SGMS1: variants seen among roughly 807,000 people sequenced by gnomAD.
SGMS1 encodes the protein phosphatidylcholine:ceramide cholinephosphotransferase 1.
A neutral mutation model predicts 46.2 loss-of-function variants in SGMS1; 13 were observed. The observed-to-expected ratio is 0.28, with a 90% CI of 0.18 to 0.45. The LOEUF is 0.45. SGMS1 is among the 20% of genes least tolerant of loss of function. The pLI is 1.00. For missense variants in SGMS1, 324 were observed against 519.9 expected (o/e 0.62, Z 3.66); for synonymous variants, 203 against 187.8 (o/e 1.08, Z -0.66).
intron 8 of SGMS1, among the ~76,000 whole-genome samples, chr10:50,322,419 A>AC (rs1847460115): frequency 1.3e-5 from 2 of 152,194 alleles, no homozygotes; most frequent in African/African-American, 4.8e-5. Context: ...GGGATTTTTT[A>AC]TTTTAAGGAG....
At chr10:50,326,759 G>C (rs1847538681) in intron 8 of SGMS1, among the ~76,000 whole-genome samples, 1 of 152,118 alleles carries the variant, frequency 6.6e-6, no homozygotes, top group African/African-American at 2.4e-5. Flanking sequence ...CCAGAGAACA[G>C]TGATCTTATT....
chr10:50,612,399 A>G (rs1001134506), intron 1 of SGMS1, among the ~76,000 whole-genome samples: 6 of 152,234 alleles, frequency 3.9e-5, no homozygotes, highest in African/African-American at 7.2e-5. Context: ...AGTGGTCTGG[A>G]CATGAAATTA....
intron 6 of SGMS1, among the ~76,000 whole-genome samples, chr10:50,388,471 TAAAAAAAAAAAA>T (rs56992240): frequency 1.2e-5 from 1 of 85,118 alleles, no homozygotes; most frequent in Admixed American, 1.4e-4. Context: ...CTGTCTCTAC[TAAAAAAAAAAAA>T]AAAAAAAAAA....
At chr10:50,587,617 G>A (rs989002020) in intron 2 of SGMS1, among the ~76,000 whole-genome samples, 1 of 143,172 alleles carries the variant, frequency 7.0e-6, no homozygotes, top group Non-Finnish European at 1.5e-5. Flanking sequence ...GAGCAAGACT[G>A]CATCTCAAAA....
intron 6 of SGMS1, among the ~76,000 whole-genome samples, chr10:50,400,674 A>G (rs906779270): frequency 3.9e-5 from 6 of 151,994 alleles, no homozygotes; most frequent in African/African-American, 1.5e-4. Flanking sequence ...GTTGCTCACT[A>G]TCTTATTAGT....
intron 1 of SGMS1, among the ~76,000 whole-genome samples, chr10:50,621,130 T>C (rs1344393879): frequency 6.6e-6 from 1 of 152,044 alleles, no homozygotes; most frequent in Admixed American, 6.6e-5. Flanking sequence ...TAAGCCGAGA[T>C]TGTACCACTG....
chr10:50,368,971 T>C (rs1211371514), intron 6 of SGMS1, among the ~76,000 whole-genome samples: 2 of 152,182 alleles, frequency 1.3e-5, no homozygotes, highest in African/African-American at 4.8e-5. Flanking sequence ...CATAAAAGTG[T>C]TCACAAGTTC....
intron 7 of SGMS1, among the ~76,000 whole-genome samples, chr10:50,328,968 C>T (rs766554107): frequency 1.1e-4 from 17 of 152,160 alleles, no homozygotes; most frequent in Non-Finnish European, 1.9e-4. Context: ...CTTAGCCATC[C>T]TGCTAAAGTG....
chr10:50,576,178 A>AAG (rs970966093), intron 2 of SGMS1, among the ~76,000 whole-genome samples: 4 of 152,162 alleles, frequency 2.6e-5, no homozygotes, highest in Admixed American at 6.5e-5. Flanking sequence ...ACCCACTGAG[A>AAG]AGACAGGTAA....
intron 2 of SGMS1, among the ~76,000 whole-genome samples, chr10:50,577,472 C>A (rs567050377): frequency 1.3e-5 from 2 of 152,130 alleles, no homozygotes; most frequent in African/African-American, 4.8e-5. Context: ...CCTTTCCTAA[C>A]GTGCAAGAAT....
At chr10:50,445,568 T>A (rs1837000959) in intron 5 of SGMS1, among the ~76,000 whole-genome samples, 4 of 152,198 alleles carry the variant, frequency 2.6e-5, no homozygotes, top group Admixed American at 2.6e-4. Flanking sequence ...ATTGTGAAGA[T>A]TTCATGGACA....
Position 50,456,278 on chromosome 10 carries a change from C to T in SGMS1, c.-313+4395G>A, listed in dbSNP as rs538518221. On this transcript the variant is annotated intron_variant, in intron 5 of 10. Transcript: ENST00000361781. ...CTGGTTGATGGGACAATAAGGAGGT[C>T]CTCCTTATTGTCAATAAGGACAATT... is the stretch of plus-strand genomic sequence containing the variant. Among the ~76,000 whole-genome samples the T allele has an allele frequency of 6.6e-5, 10 of 152,016 alleles. No individual in the cohort carries two copies. In the South Asian group the frequency reaches 8.3e-4, roughly 13 times the overall value.
intron 8 of SGMS1, 62 bp from the exon 9 acceptor site, chr10:50,311,477 GA>G: frequency 6.9e-7 from 1 of 1,444,916 alleles, no homozygotes; most frequent in Non-Finnish European, 9.4e-7. Flanking sequence ...GAAAATGTGC[GA>G]AGATTACTAT....
intron 6 of SGMS1, among the ~76,000 whole-genome samples, chr10:50,388,640 G>A (rs1455547154): frequency 6.6e-6 from 1 of 151,952 alleles, no homozygotes; most frequent in Non-Finnish European, 1.5e-5. Flanking sequence ...AACAAAAACA[G>A]AAGTCCAAAA....
chr10:50,338,750 T>A (rs1847759536), intron 7 of SGMS1, among the ~76,000 whole-genome samples: 1 of 152,124 alleles, frequency 6.6e-6, no homozygotes, highest in South Asian at 2.1e-4. Flanking sequence ...TGGCATTTTT[T>A]TTTTTTTTTT....
intron 8 of SGMS1, among the ~76,000 whole-genome samples, chr10:50,317,820 T>TTG (rs1554921832): frequency 6.6e-6 from 1 of 150,916 alleles, no homozygotes; most frequent in African/African-American, 2.4e-5. Flanking sequence ...TTTTTTTTTT[T>TTG]AGACAGTCTC....
intron 8 of SGMS1, among the ~76,000 whole-genome samples, chr10:50,316,119 T>G (rs1357236304): frequency 6.6e-6 from 1 of 152,220 alleles, no homozygotes; most frequent in Non-Finnish European, 1.5e-5. Flanking sequence ...GCACTGGCTT[T>G]TTCTAACTAC....
At chr10:50,412,085 A>G (rs575468390) in intron 6 of SGMS1, among the ~76,000 whole-genome samples, 1 of 152,174 alleles carries the variant, frequency 6.6e-6, no homozygotes, top group Non-Finnish European at 1.5e-5. Flanking sequence ...CTGGCTGTGA[A>G]TTGTCCCAAT....
chr10:50,491,221 G>T (rs1182239892), intron 3 of SGMS1, among the ~76,000 whole-genome samples: 1 of 152,150 alleles, frequency 6.6e-6, no homozygotes, highest in Non-Finnish European at 1.5e-5. Context: ...GGGCATGGCA[G>T]TACGGGCCTA....
Sources: allele counts gnomAD v4.1 joint callset (sites outside exome capture counted in the v4.1 genomes callset), GRCh38; gene constraint gnomAD v4.1.1; transcripts MANE v1.5; gene names NCBI Gene and HGNC (gene_info 2026-07-23, HGNC 2026-07-21).